The following ZNF160 variants were observed in gnomAD, a reference collection of about 807,000 sequenced individuals.
ZNF160 encodes zinc finger protein 160.
A neutral mutation model predicts 13.1 loss-of-function variants in ZNF160; 9 were observed. That is an observed-to-expected ratio of 0.69 (90% CI 0.41 to 1.20). ZNF160 has a LOEUF of 1.20. ZNF160 is among the 50% of genes most tolerant of loss of function. ZNF160 has a pLI of 0.01. For synonymous variants in ZNF160, 293 were observed against 333.2 expected (o/e 0.88, Z 1.31); for missense variants, 838 against 988.0 (o/e 0.85, Z 2.04).
At chr19:53,101,737 T>C (rs8111777) in intron 1 of ZNF160, among the ~76,000 whole-genome samples, 133,026 of 152,170 alleles carry the variant, frequency 0.87, 58,228 homozygotes, top group Middle Eastern at 0.94. Flanking sequence ...GGGAGACCCA[T>C]AACTGAATGA....
intron 3 of ZNF160, among the ~76,000 whole-genome samples, chr19:53,076,731 A>G (rs553565846): frequency 6.6e-6 from 1 of 152,286 alleles, no homozygotes; most frequent in African/African-American, 2.4e-5. Flanking sequence ...ATTTAATAAC[A>G]CTACATGGAC....
chr19:53,077,936 TAACTGAATTAAAA>T (rs1028744683), intron 3 of ZNF160, among the ~76,000 whole-genome samples: 13 of 151,844 alleles, frequency 8.6e-5, no homozygotes, highest in African/African-American at 2.7e-4. Flanking sequence ...CTGAAAAACA[TAACTGAATTAAAA>T]AACACACTAG....
intron 3 of ZNF160, among the ~76,000 whole-genome samples, chr19:53,080,992 T>C (rs1321708178): frequency 2.0e-5 from 3 of 152,226 alleles, no homozygotes; most frequent in African/African-American, 7.2e-5. Context: ...ATTCAATAAG[T>C]GGTGCTGGGA....
rs767307986 is a variant in ZNF160 at position 53,075,164 on chromosome 19, T to A, written c.35A>T (p.Asp12Val). ...CTCCTGAGAGAATTCTATGGCCACA[T>A]CCCTAAATGTCAACCGTACCTAAAA... The part of the protein sequence containing the change: ...ALTQVRLTFR[D>V]VAIEFSQEEW... Residue 12 changes from aspartate to valine, a missense_variant, in exon 4 of 6, where the codon GAT becomes GTT. Physicochemically the swap from Asp to Val is radical, Grantham distance 152. This residue lies in a region of ZNF160 where 387 missense variants were observed against 402.3 expected (regional missense o/e 0.96). Coordinates refer to ENST00000683776, the MANE Select transcript of ZNF160 (RefSeq NM_001322131.2). 3 of 1,614,106 alleles carry A rather than the reference T, an allele frequency of 1.9e-6. No individual in the cohort carries two copies. Among genetic ancestry groups the A allele is most frequent in the Non-Finnish European group, 2.5e-6 (3 of 1,180,000 alleles).
intron 5 of ZNF160, among the ~76,000 whole-genome samples, chr19:53,070,663 C>T (rs1171031083): frequency 1.3e-5 from 2 of 152,160 alleles, no homozygotes; most frequent in Non-Finnish European, 2.9e-5. Context: ...AGCCGCCTGC[C>T]TCGGCCTCCC....
chr19:53,073,543 C>T, intron 5 of ZNF160: 1 of 1,577,808 alleles, frequency 6.3e-7, no homozygotes, highest in Non-Finnish European at 8.6e-7. Context: ...GGAACATAAA[C>T]AGGTCTAGAC....
chr19:53,083,678 T>C (rs913285762), intron 3 of ZNF160, among the ~76,000 whole-genome samples: 1 of 152,174 alleles, frequency 6.6e-6, no homozygotes, highest in Non-Finnish European at 1.5e-5. Context: ...GTCAGGAGGA[T>C]GGCTTGGGCC....
intron 2 of ZNF160, among the ~76,000 whole-genome samples, chr19:53,089,144 C>T (rs2084947564): frequency 6.6e-6 from 1 of 152,122 alleles, no homozygotes. Flanking sequence ...AGTTGGTCGC[C>T]CAGAAGTTCA....
At chr19:53,075,328 A>G in intron 3 of ZNF160, 145 bp from the exon 4 acceptor site, 1 of 1,074,804 alleles carries the variant, frequency 9.3e-7, no homozygotes, top group Non-Finnish European at 1.3e-6. Context: ...TGACATACAG[A>G]TTTGGTCTTC....
Position 53,068,671 on chromosome 19 carries a change from G to GT in ZNF160, c.1862dup (p.Tyr621Ter). Residue 621 changes from tyrosine to a stop codon, truncating the protein, a stop_gained and frameshift_variant, in exon 6 of 6, where the codon TAC becomes TAAC. Coordinates refer to ENST00000683776, the MANE Select transcript of ZNF160 (RefSeq NM_001322131.2). LOFTEE classifies it low-confidence loss of function (END_TRUNC). Reference sequence around the variant, plus strand: ...AAACCTTGCCGCATTCATGACATTTGTAAGGTTTCTCTCCAGTATGTATTG... The same window carrying GT: ...AAACCTTGCCGCATTCATGACATTTGTTAAGGTTTCTCTCCAGTATGTATTG... ...HQAIHTGEKP[Y>*]KCHECGKVFR... The GT allele has an allele frequency of 6.2e-7, 1 of 1,614,102 alleles. No homozygotes were observed. The highest frequency in any genetic ancestry group is 8.5e-7 in the Non-Finnish European group (1 of 1,180,026).
chr19:53,087,351 C>A (rs964174644), intron 2 of ZNF160, among the ~76,000 whole-genome samples: 3 of 152,170 alleles, frequency 2.0e-5, no homozygotes, highest in Non-Finnish European at 4.4e-5. Context: ...CATGTATTTC[C>A]TCACCTGTTT....
chr19:53,095,057 C>T (rs1568504857), intron 1 of ZNF160, among the ~76,000 whole-genome samples: 1 of 143,756 alleles, frequency 7.0e-6, no homozygotes, highest in Non-Finnish European at 1.5e-5. Flanking sequence ...CCCTTCCCCA[C>T]TGCCCAGGCC....
At chr19:53,096,365 T>C (rs4411612) in intron 1 of ZNF160, among the ~76,000 whole-genome samples, 60,727 of 151,842 alleles carry the variant, frequency 0.4, 12,371 homozygotes, top group Middle Eastern at 0.43. Context: ...CAGGACTAAC[T>C]GAGGGGCAGA....
intron 1 of ZNF160, among the ~76,000 whole-genome samples, chr19:53,101,993 G>A (rs1353204320): frequency 6.6e-6 from 1 of 152,024 alleles, no homozygotes; most frequent in Non-Finnish European, 1.5e-5. Context: ...ATAACTATGT[G>A]TTCCTCTCCC....
chr19:53,090,962 T>C (rs2085012086), intron 2 of ZNF160: 1 of 152,206 alleles, frequency 6.6e-6, no homozygotes, highest in African/African-American at 2.4e-5. Context: ...GACCTGTCTG[T>C]GTGGTTCAAT....
intron 1 of ZNF160, among the ~76,000 whole-genome samples, chr19:53,101,837 A>G (rs2085457170): frequency 6.6e-6 from 1 of 152,248 alleles, no homozygotes. Context: ...CCTTTTACAC[A>G]GAGCTTTGTA....
At chr19:53,081,946 A>C (rs1463268574) in intron 3 of ZNF160, among the ~76,000 whole-genome samples, 2 of 152,228 alleles carry the variant, frequency 1.3e-5, no homozygotes, top group Non-Finnish European at 2.9e-5. Context: ...CCATAAAAAA[A>C]CAAAATCATG....
At chr19:53,089,503 G>A (rs531591241) in intron 2 of ZNF160, among the ~76,000 whole-genome samples, 1 of 152,272 alleles carries the variant, frequency 6.6e-6, no homozygotes, top group Non-Finnish European at 1.5e-5. Flanking sequence ...TGGAGGAAGA[G>A]CGTGGCCCAC....
At chr19:53,087,974 C>T (rs78264956) in intron 2 of ZNF160, among the ~76,000 whole-genome samples, 1 of 152,154 alleles carries the variant, frequency 6.6e-6, no homozygotes, top group East Asian at 1.9e-4. Flanking sequence ...GTACATGGGG[C>T]TGAGTATTAA....
Sources: allele counts gnomAD v4.1 joint callset (sites outside exome capture counted in the v4.1 genomes callset), GRCh38; gene constraint gnomAD v4.1.1; regional missense constraint gnomAD v4.1.1; transcripts MANE v1.5; gene names NCBI Gene and HGNC (gene_info 2026-07-23, HGNC 2026-07-21).